The following C3orf49 variants were observed in gnomAD, a reference collection of about 807,000 sequenced individuals.
The protein encoded by C3orf49 is chromosome 3 open reading frame 49, also known as putative uncharacterized protein C3orf49.
In C3orf49, 27 loss-of-function variants were observed where a neutral mutation model predicts 13.3. The observed-to-expected ratio is 2.02, with a 90% CI of 1.49 to 2.79. C3orf49 has a LOEUF of 2.79. Among genes scored for constraint, C3orf49 ranks in the 30% most tolerant of loss-of-function variants. The probability of loss-of-function intolerance (pLI) is 0.00; values close to 1 mark genes in which losing one functional copy is unlikely to be tolerated. For missense variants in C3orf49, 242 were observed against 134.2 expected (o/e 1.80, Z -3.97); for synonymous variants, 87 against 47.6 (o/e 1.83, Z -3.40).
At chr3:63,820,085 A>G (rs1355383280) in intron 1 of C3orf49, among the ~76,000 whole-genome samples, 1 of 152,156 alleles carries the variant, frequency 6.6e-6, no homozygotes, top group Admixed American at 6.5e-5. Context: ...TTTTTTGCCA[A>G]TGACAAAACC....
the C3orf49 span, among the ~76,000 whole-genome samples, chr3:63,793,498 T>C: frequency 2.0e-5 from 3 of 152,104 alleles, no homozygotes; most frequent in African/African-American, 7.2e-5. Flanking sequence ...AGCAAATTCA[T>C]GCCTTTTTCC....
At chr3:63,812,222 G>A in the C3orf49 span, among the ~76,000 whole-genome samples, 2 of 152,182 alleles carry the variant, frequency 1.3e-5, no homozygotes, top group Non-Finnish European at 2.9e-5. Flanking sequence ...CACAATGGAA[G>A]AAGAAAAATT....
At chr3:63,814,739 C>T (rs1431964357), upstream of C3orf49, among the ~76,000 whole-genome samples, 1 of 152,038 alleles carries the variant, frequency 6.6e-6, no homozygotes, top group African/African-American at 2.4e-5. Context: ...TCCTTAGTTC[C>T]ACTGTTCCCC....
intron 2 of C3orf49, among the ~76,000 whole-genome samples, chr3:63,823,934 C>T (rs1247831773): frequency 6.6e-6 from 1 of 151,882 alleles, no homozygotes; most frequent in African/African-American, 2.4e-5. Flanking sequence ...CTGAGTAGCT[C>T]GAACTACAGG....
intron 1 of C3orf49, 127 bp from the exon 2 acceptor site, chr3:63,823,123 T>G (rs1357726091): frequency 1.7e-6 from 1 of 578,618 alleles, no homozygotes; most frequent in Non-Finnish European, 3.1e-6. Flanking sequence ...ATTCTTGGTC[T>G]TCAATTTCAT....
At chr3:63,814,510 G>C (rs1701302213), upstream of C3orf49, among the ~76,000 whole-genome samples, 1 of 152,128 alleles carries the variant, frequency 6.6e-6, no homozygotes, top group Non-Finnish European at 1.5e-5. Flanking sequence ...ATAGGATTAT[G>C]CAATCTCAGA....
At chr3:63,831,037 C>A in intron 3 of C3orf49, 73 bp from the exon 4 acceptor site, 1 of 663,626 alleles carries the variant, frequency 1.5e-6, no homozygotes, top group Non-Finnish European at 2.7e-6. Flanking sequence ...AGGGTGAGAA[C>A]TCTTGTTTAA....
chr3:63,790,165 C>A, the C3orf49 span, among the ~76,000 whole-genome samples: 2 of 152,150 alleles, frequency 1.3e-5, no homozygotes. Context: ...GAGCCTCTAT[C>A]CATCAATAAG....
chr3:63,804,412 C>A, the C3orf49 span, among the ~76,000 whole-genome samples: 42 of 152,294 alleles, frequency 2.8e-4, no homozygotes, highest in Middle Eastern at 6.8e-3. Context: ...TAATCTCCCA[C>A]GTGCTTTCTC....
intron 6 of C3orf49, among the ~76,000 whole-genome samples, chr3:63,846,810 ATAGTCTCCTGAGAATTC>A (rs1262701524): frequency 6.6e-6 from 1 of 152,154 alleles, no homozygotes; most frequent in Non-Finnish European, 1.5e-5. Context: ...AGGCAGAATG[ATAGTCTCCTGAGAATTC>A]TATCAAGTAC....
chr3:63,814,104 G>A, the C3orf49 span, among the ~76,000 whole-genome samples: 2 of 152,106 alleles, frequency 1.3e-5, no homozygotes, highest in South Asian at 4.1e-4. Context: ...TCTAATAACG[G>A]GCCAGGAGCC....
chr3:63,787,335 T>C, the C3orf49 span: 11 of 152,284 alleles, frequency 7.2e-5, no homozygotes, highest in African/African-American at 2.6e-4. Context: ...AAGGCAGTTG[T>C]GGTTAAATTA....
the C3orf49 span, among the ~76,000 whole-genome samples, chr3:63,790,107 G>A: frequency 6.6e-6 from 1 of 152,068 alleles, no homozygotes; most frequent in Non-Finnish European, 1.5e-5. Context: ...TAGTATCTTT[G>A]CTTGCTGAAC....
At chr3:63,831,028 G>C in intron 3 of C3orf49, 82 bp from the exon 4 acceptor site, 1 of 653,790 alleles carries the variant, frequency 1.5e-6, no homozygotes, top group Non-Finnish European at 2.7e-6. Context: ...AATGTCCTAA[G>C]GGTGAGAACT....
chr3:63,802,125 A>G, the C3orf49 span, among the ~76,000 whole-genome samples: 2 of 152,164 alleles, frequency 1.3e-5, no homozygotes, highest in African/African-American at 4.8e-5. Context: ...ATGTTGCTCA[A>G]TGACAGGTCG....
At chr3:63,791,721 A>C in the C3orf49 span, among the ~76,000 whole-genome samples, 1 of 152,260 alleles carries the variant, frequency 6.6e-6, no homozygotes, top group Admixed American at 6.5e-5. Flanking sequence ...TTGCCATGCT[A>C]TATTCCAGTT....
At chr3:63,840,989 T>C (rs935205984) in intron 5 of C3orf49, among the ~76,000 whole-genome samples, 1 of 152,224 alleles carries the variant, frequency 6.6e-6, no homozygotes, top group Non-Finnish European at 1.5e-5. Flanking sequence ...GGGATGTTCT[T>C]AGTGGTACTG....
At chr3:63,780,576 A>G in the C3orf49 span, among the ~76,000 whole-genome samples, 1 of 152,186 alleles carries the variant, frequency 6.6e-6, no homozygotes, top group East Asian at 1.9e-4. Context: ...GACTTCCACA[A>G]TGGTTGAACT....
At chr3:63,825,901 G>A (rs746803557) in intron 2 of C3orf49, among the ~76,000 whole-genome samples, 1 of 152,186 alleles carries the variant, frequency 6.6e-6, no homozygotes, top group Non-Finnish European at 1.5e-5. Context: ...AGGGGTCTCA[G>A]GAAAGGCTTC....
Sources: gnomAD v4.1 joint callset for allele counts (sites outside exome capture counted in the v4.1 genomes callset) on GRCh38, gnomAD v4.1.1 for gene constraint, MANE v1.5 for transcripts, NCBI Gene and HGNC (gene_info 2026-07-23, HGNC 2026-07-21) for gene names.